Variants in COLEC12 observed in about 807,000 individuals in gnomAD.
COLEC12 encodes the protein collectin subfamily member 12.
Under a neutral mutation model 71.1 loss-of-function variants are expected in COLEC12, and 33 were observed. The ratio of observed to expected loss-of-function variants is 0.46; its 90% confidence interval spans 0.35 to 0.62. The LOEUF is 0.62. Among genes scored for constraint, COLEC12 ranks in the 20% least tolerant of loss-of-function variants. The probability of loss-of-function intolerance (pLI) is 0.00; values close to 1 mark genes in which losing one functional copy is unlikely to be tolerated. For missense variants in COLEC12, 765 were observed against 916.1 expected (o/e 0.84, Z 2.13); for synonymous variants, 350 against 353.0 (o/e 0.99, Z 0.10).
chr18:368,738 C>A (rs907128043), intron 2 of COLEC12, among the ~76,000 whole-genome samples: 2 of 151,852 alleles, frequency 1.3e-5, no homozygotes, highest in Non-Finnish European at 2.9e-5. Context: ...TGGTGGCGGG[C>A]GCCTGTAGTC....
chr18:373,763 G>A (rs1915053335), intron 2 of COLEC12, among the ~76,000 whole-genome samples: 1 of 151,958 alleles, frequency 6.6e-6, no homozygotes, highest in South Asian at 2.1e-4. Flanking sequence ...TATGCTTCGT[G>A]GTACATCTGC....
intron 5 of COLEC12, among the ~76,000 whole-genome samples, chr18:342,061 TTC>T (rs1348243156): frequency 2.0e-5 from 3 of 152,224 alleles, no homozygotes; most frequent in African/African-American, 7.2e-5. Flanking sequence ...GTTTTCTTTT[TTC>T]TTTTTTTTCT....
chr18:477,616 T>C (rs1411092472), intron 2 of COLEC12, among the ~76,000 whole-genome samples: 1 of 152,144 alleles, frequency 6.6e-6, no homozygotes, highest in Non-Finnish European at 1.5e-5. Context: ...ATTGAGAGAG[T>C]GCTAACAGCC....
chr18:422,338 C>G (rs969256542), intron 2 of COLEC12, among the ~76,000 whole-genome samples: 7 of 152,282 alleles, frequency 4.6e-5, no homozygotes, highest in African/African-American at 1.7e-4. Flanking sequence ...GCTCTCTTTC[C>G]TAAGCCCTCA....
chr18:499,348 T>C (rs1426325321), intron 1 of COLEC12, among the ~76,000 whole-genome samples: 1 of 152,146 alleles, frequency 6.6e-6, no homozygotes, highest in Non-Finnish European at 1.5e-5. Flanking sequence ...CTAACGCCCT[T>C]GGAAAGGGAG....
intron 5 of COLEC12, among the ~76,000 whole-genome samples, chr18:341,027 T>C (rs1914240169): frequency 6.6e-6 from 1 of 152,170 alleles, no homozygotes; most frequent in Non-Finnish European, 1.5e-5. Flanking sequence ...GAGGGAGTGG[T>C]TGGCAATGGG....
At chr18:427,535 T>C (rs1361738964) in intron 2 of COLEC12, among the ~76,000 whole-genome samples, 1 of 152,154 alleles carries the variant, frequency 6.6e-6, no homozygotes, top group Non-Finnish European at 1.5e-5. Context: ...GCTTCTTCAC[T>C]GGAGTCCCTA....
At position 365,417 on chromosome 18, in the gene COLEC12, G is replaced by A. The variant is rs147123714; in HGVS notation, c.59-7895C>T. ...AAGAAGGTACCTTTATAATTTCAAA[G>A]CAAACTATGGGATATGCAGGAGCCT... On this transcript the variant is annotated intron_variant, in intron 2 of 9. Transcript: ENST00000400256. 7.4e-3 allele frequency among the ~76,000 whole-genome samples: 1,123 copies of A among 152,274 alleles called. 6 individuals carry two copies. The highest frequency in any genetic ancestry group is 0.012 in the Non-Finnish European group (821 of 68,022).
intron 2 of COLEC12, among the ~76,000 whole-genome samples, chr18:358,170 TC>T (rs1914668531): frequency 6.6e-6 from 1 of 152,076 alleles, no homozygotes; most frequent in Non-Finnish European, 1.5e-5. Flanking sequence ...GGTCCCTGGT[TC>T]CAAAAAGGTA....
intron 2 of COLEC12, among the ~76,000 whole-genome samples, chr18:384,362 G>A (rs768992325): frequency 1.3e-5 from 2 of 152,168 alleles, no homozygotes; most frequent in Non-Finnish European, 2.9e-5. Flanking sequence ...GTGTGACCAG[G>A]ATAGAGAGGA....
chr18:393,057 C>T lies in COLEC12; in HGVS notation c.59-35535G>A, dbSNP rs72859298. Among the ~76,000 whole-genome samples, 828 of 152,314 alleles carry T rather than the reference C, an allele frequency of 5.4e-3. 1 individual carries two copies. The highest frequency in any genetic ancestry group is 9.3e-3 in the Non-Finnish European group (630 of 68,024). On this transcript the variant is annotated intron_variant, in intron 2 of 9. Transcript: ENST00000400256. ...AAGAACATCCATTCCTCTAGATACC[C>T]TAAGTTGTATTCACACATCAAGCCA... is the stretch of plus-strand genomic sequence containing the variant.
At chr18:432,645 A>G (rs552559820) in intron 2 of COLEC12, among the ~76,000 whole-genome samples, 5 of 152,266 alleles carry the variant, frequency 3.3e-5, no homozygotes, top group African/African-American at 9.6e-5. Context: ...GGACTAATCC[A>G]CAAAATACAC....
At chr18:425,310 C>T (rs188706077) in intron 2 of COLEC12, among the ~76,000 whole-genome samples, 153 of 152,302 alleles carry the variant, frequency 1.0e-3, no homozygotes, top group African/African-American at 2.8e-3. Context: ...GTCATGCCCC[C>T]GACCCTTGCT....
intron 2 of COLEC12, among the ~76,000 whole-genome samples, chr18:385,996 G>A (rs1915337230): frequency 6.6e-6 from 1 of 152,150 alleles, no homozygotes; most frequent in Non-Finnish European, 1.5e-5. Flanking sequence ...GTCCTTTAAG[G>A]TTGATCTGAT....
intron 1 of COLEC12, among the ~76,000 whole-genome samples, chr18:492,451 C>A (rs1917635259): frequency 6.6e-6 from 1 of 152,170 alleles, no homozygotes; most frequent in African/African-American, 2.4e-5. Flanking sequence ...TAGAAGTAAT[C>A]AGTAAGTACG....
chr18:333,009 G>C lies in COLEC12; in HGVS notation c.1951C>G (p.Gln651Glu), dbSNP rs147318026. ...HLVFINTREE[Q>E]QWIKKQMVGR... ...AACCAAGTATGTGGCAGGCATACCTGTTCCTCTCTAGTGTTTATGAAAACA... is the reference window on the plus strand; with the variant it reads ...AACCAAGTATGTGGCAGGCATACCTCTTCCTCTCTAGTGTTTATGAAAACA... The change falls in exon 7 of 10, where the codon CAG (glutamine) becomes GAG (glutamate). Residue 651 changes from glutamine to glutamate, a missense_variant and splice_region_variant. By Grantham distance (29) the Gln-to-Glu change is conservative. Transcript: ENST00000400256. The C allele has an allele frequency of 3.2e-4, 502 of 1,586,014 alleles. 2 individuals are homozygous for C. In the African/African-American group the frequency reaches 6.3e-3, roughly 20 times the overall value.
At chr18:473,663 T>C (rs1033771523) in intron 2 of COLEC12, among the ~76,000 whole-genome samples, 2 of 152,192 alleles carry the variant, frequency 1.3e-5, no homozygotes, top group Non-Finnish European at 1.5e-5. Context: ...GCGCCCGGCC[T>C]CAACTCATAT....
At position 431,867 on chromosome 18, in the gene COLEC12, C is replaced by A. The variant is rs1246798349; in HGVS notation, c.58+48840G>T. On this transcript the variant is annotated intron_variant, in intron 2 of 9. Transcript: ENST00000400256. ...CACTTATTGAACTCTTGCCATGTGC[C>A]AGGCACTGTGCTAAGGAGATTTTAT... Among the ~76,000 whole-genome samples, 3 of 152,126 alleles carry A rather than the reference C, an allele frequency of 2.0e-5. No homozygotes were observed. In the East Asian group the frequency reaches 5.8e-4, roughly 29 times the overall value.
intron 2 of COLEC12, among the ~76,000 whole-genome samples, chr18:382,531 T>C (rs978322254): frequency 1.3e-5 from 2 of 152,152 alleles, no homozygotes; most frequent in African/African-American, 4.8e-5. Context: ...AAACCCAATA[T>C]AATGAAATTC....
Sources: gnomAD v4.1 joint callset for allele counts (sites outside exome capture counted in the v4.1 genomes callset) on GRCh38, gnomAD v4.1.1 for gene constraint, MANE v1.5 for transcripts, NCBI Gene and HGNC (gene_info 2026-07-23, HGNC 2026-07-21) for gene names.